The following ANO4 variants were observed in gnomAD, a reference collection of about 807,000 sequenced individuals.
ANO4 encodes anoctamin-4.
Under a neutral mutation model 141.9 loss-of-function variants are expected in ANO4, and 69 were observed. The observed-to-expected ratio is 0.49, with a 90% CI of 0.40 to 0.59. The LOEUF (loss-of-function observed/expected upper bound fraction) is 0.59, where lower values mean the gene tolerates loss of function less well. Among genes scored for constraint, ANO4 ranks in the 20% least tolerant of loss-of-function variants. The pLI is 0.00. For synonymous variants in ANO4, 350 were observed against 394.3 expected (o/e 0.89, Z 1.33); for missense variants, 894 against 1,162.2 (o/e 0.77, Z 3.36).
At chr12:100,761,766 C>T in intron 3 of ANO4, among the ~76,000 whole-genome samples, 1 of 152,142 alleles carries the variant, frequency 6.6e-6, no homozygotes, top group Middle Eastern at 3.2e-3. Context: ...ATGTGCCAAC[C>T]CTGCAAGCAA....
At chr12:100,915,141 A>G (rs1239609860) in intron 2 of ANO4, among the ~76,000 whole-genome samples, 1 of 152,090 alleles carries the variant, frequency 6.6e-6, no homozygotes, top group Non-Finnish European at 1.5e-5. Context: ...TCTTAACACC[A>G]TTCTCCATCT....
intron 5 of ANO4, among the ~76,000 whole-genome samples, chr12:100,945,546 A>G (rs1454678973): frequency 2.6e-5 from 4 of 152,104 alleles, no homozygotes; most frequent in East Asian, 3.8e-4. Flanking sequence ...ACTAATTAAC[A>G]TTTTCTATTT....
intron 3 of ANO4, among the ~76,000 whole-genome samples, chr12:100,753,878 C>G (rs2032494348): frequency 2.0e-5 from 3 of 152,170 alleles, no homozygotes; most frequent in African/African-American, 7.2e-5. Flanking sequence ...CCCACATGTT[C>G]CCACAAGCAC....
At chr12:100,927,148 C>G (rs1398885592) in intron 3 of ANO4, among the ~76,000 whole-genome samples, 4 of 152,070 alleles carry the variant, frequency 2.6e-5, no homozygotes, top group African/African-American at 9.7e-5. Flanking sequence ...TCTTGGACAC[C>G]TGACTGCTCT....
chr12:101,037,457 C>T (rs2047244037), intron 10 of ANO4, among the ~76,000 whole-genome samples: 1 of 152,136 alleles, frequency 6.6e-6, no homozygotes. Flanking sequence ...CATGAGGCAC[C>T]AAATCCACAA....
intron 4 of ANO4, among the ~76,000 whole-genome samples, chr12:100,940,197 T>G (rs1351599562): frequency 7.7e-6 from 1 of 130,188 alleles, no homozygotes; most frequent in Non-Finnish European, 1.8e-5. Context: ...TCTTTTTCTG[T>G]TTTTTTTTTT....
rs767044622 is a variant in ANO4, at chr12:101,086,702, C to T, written c.1579C>T (p.Arg527Trp). The change falls in exon 17 of 28, where the codon CGG (arginine) becomes TGG (tryptophan). Residue 527 changes from arginine (R) to tryptophan (W), a missense_variant. Around this residue, in one of 2 missense-constraint regions of ANO4, gnomAD observed 637 missense variants for 909.2 expected, o/e 0.70. Coordinates refer to ENST00000392977, the MANE Select transcript of ANO4 (RefSeq NM_001286615.2). ...IAAVFGIVIYRVVTVSTFAAF... is the reference protein window; with the variant it reads ...IAAVFGIVIYWVVTVSTFAAF... ...TGCCGTGTTCGGGATCGTCATTTACCGGGTGGTGACTGTCAGCACTTTCGC... is the reference window on the plus strand; with the variant it reads ...TGCCGTGTTCGGGATCGTCATTTACTGGGTGGTGACTGTCAGCACTTTCGC... 3 of 1,613,740 alleles carry T rather than the reference C, an allele frequency of 1.9e-6. No homozygotes were observed. Among genetic ancestry groups the T allele is most frequent in the South Asian group, 1.1e-5 (1 of 91,072 alleles).
At chr12:100,908,840 G>T (rs573346810) in intron 2 of ANO4, among the ~76,000 whole-genome samples, 1 of 152,182 alleles carries the variant, frequency 6.6e-6, no homozygotes, top group Admixed American at 6.5e-5. Context: ...GAGAATTTGG[G>T]AGTCTTGTAG....
intron 1 of ANO4, among the ~76,000 whole-genome samples, chr12:100,730,017 T>G (rs180846673): frequency 3.3e-4 from 50 of 152,336 alleles, no homozygotes; most frequent in African/African-American, 1.2e-3. Flanking sequence ...TCATTCATAG[T>G]CATTTCTGTG....
chr12:100,932,994 G>A (rs922051687), intron 3 of ANO4, among the ~76,000 whole-genome samples: 1 of 151,994 alleles, frequency 6.6e-6, no homozygotes, highest in African/African-American at 2.4e-5. Context: ...CACCTACCCT[G>A]ACCAATCTGT....
At chr12:101,015,325 C>T (rs1422390894) in intron 8 of ANO4, among the ~76,000 whole-genome samples, 1 of 152,144 alleles carries the variant, frequency 6.6e-6, no homozygotes, top group African/African-American at 2.4e-5. Flanking sequence ...TATTCATATG[C>T]ATGTACTTCC....
At chr12:101,032,044 A>C (rs938997946) in intron 9 of ANO4, among the ~76,000 whole-genome samples, 7 of 152,208 alleles carry the variant, frequency 4.6e-5, no homozygotes, top group African/African-American at 1.7e-4. Context: ...TTCCCATCAA[A>C]CTACCATTGA....
rs561784475 is a variant in ANO4, at chr12:101,047,267, AAAC to A, written c.1252-1065_1252-1063del. ...CCATCTCAAAAACAAACAAACAAAC[AAAC>A]AACAACAAACTCTGATAGATAGCAC... is the stretch of plus-strand genomic sequence containing the variant. On this transcript the variant is annotated intron_variant, in intron 13 of 27. Transcript: ENST00000392977. Among the ~76,000 whole-genome samples the A allele has an allele frequency of 1.5e-3, 225 of 152,226 alleles. 1 individual carries two copies. Among genetic ancestry groups the A allele is most frequent in the African/African-American group, 5.1e-3 (212 of 41,560 alleles).
chr12:100,744,174 A>G (rs980508911), intron 3 of ANO4, among the ~76,000 whole-genome samples: 5 of 152,230 alleles, frequency 3.3e-5, no homozygotes, highest in Admixed American at 6.5e-5. Context: ...CCATACTATC[A>G]AAACTTATAT....
intron 8 of ANO4, among the ~76,000 whole-genome samples, chr12:101,005,130 A>G (rs2045819578): frequency 6.6e-6 from 1 of 152,224 alleles, no homozygotes; most frequent in African/African-American, 2.4e-5. Context: ...GTCACTGAAT[A>G]ATAAACTTAT....
At chr12:100,893,958 C>T (rs533109403) in intron 1 of ANO4, among the ~76,000 whole-genome samples, 4 of 152,244 alleles carry the variant, frequency 2.6e-5, no homozygotes, top group Non-Finnish European at 4.4e-5. Context: ...ATTTAAGTAA[C>T]GCTGGTCAAA....
chr12:101,039,651 C>T (rs2047339811), intron 10 of ANO4, among the ~76,000 whole-genome samples: 1 of 152,168 alleles, frequency 6.6e-6, no homozygotes, highest in African/African-American at 2.4e-5. Context: ...GATTAGGAAA[C>T]CAAAGCTCAG....
intron 22 of ANO4, among the ~76,000 whole-genome samples, chr12:101,101,958 T>G (rs1593271930): frequency 6.6e-6 from 1 of 151,898 alleles, no homozygotes; most frequent in Non-Finnish European, 1.5e-5. Flanking sequence ...GTGGCAGGCG[T>G]GTGTAATCCC....
chr12:100,989,280 T>C (rs1326825840), intron 8 of ANO4, among the ~76,000 whole-genome samples: 1 of 152,198 alleles, frequency 6.6e-6, no homozygotes, highest in African/African-American at 2.4e-5. Flanking sequence ...AATTCAGAGA[T>C]CAGGGTGTTT....
Sources: allele counts gnomAD v4.1 joint callset (sites outside exome capture counted in the v4.1 genomes callset), GRCh38; gene constraint gnomAD v4.1.1; regional missense constraint gnomAD v4.1.1; transcripts MANE v1.5; gene names NCBI Gene and HGNC (gene_info 2026-07-23, HGNC 2026-07-21).